The following CREG2 variants were observed in gnomAD, a reference collection of about 807,000 sequenced individuals.
CREG2 encodes the protein cellular repressor of E1A stimulated genes 2, also known as protein CREG2.
CREG2 carries 24 observed loss-of-function variants against 26.2 expected under a neutral mutation model. The ratio of observed to expected loss-of-function variants is 0.92; its 90% CI spans 0.66 to 1.29. CREG2 has a LOEUF of 1.29. Ranked by LOEUF, CREG2 falls within the 50% of genes most tolerant of loss-of-function variation. The pLI, the probability that CREG2 is intolerant of heterozygous loss-of-function variation, is 0.00. For missense variants in CREG2, 366 were observed against 398.6 expected (o/e 0.92, Z 0.70); for synonymous variants, 174 against 169.2 (o/e 1.03, Z -0.22).
intron 2 of CREG2, among the ~76,000 whole-genome samples, chr2:101,369,436 G>C (rs1014190604): frequency 6.6e-6 from 1 of 152,192 alleles, no homozygotes; most frequent in Non-Finnish European, 1.5e-5. Context: ...TGCCCAGGAA[G>C]CAGGTGGACT....
intron 1 of CREG2, among the ~76,000 whole-genome samples, chr2:101,384,722 A>G (rs191250969): frequency 6.6e-6 from 1 of 152,318 alleles, no homozygotes; most frequent in South Asian, 2.1e-4. Context: ...TTAGCTTGGC[A>G]TGGTGGCACA....
intron 3 of CREG2, among the ~76,000 whole-genome samples, chr2:101,351,852 C>T (rs1370091003): frequency 6.6e-6 from 1 of 151,990 alleles, no homozygotes; most frequent in African/African-American, 2.4e-5. Context: ...TATTACAAAG[C>T]AAATGCAATA....
chr2:101,361,786 T>C (rs1573305903), intron 2 of CREG2, among the ~76,000 whole-genome samples: 1 of 152,134 alleles, frequency 6.6e-6, no homozygotes, highest in African/African-American at 2.4e-5. Flanking sequence ...GCAACACAAC[T>C]GTGGTTACTG....
intron 2 of CREG2, among the ~76,000 whole-genome samples, chr2:101,356,202 C>T (rs1684456519): frequency 6.6e-6 from 1 of 152,178 alleles, no homozygotes; most frequent in Admixed American, 6.5e-5. Context: ...TTCTTCGCCT[C>T]TCGAAGTCCA....
chr2:101,367,212 A>AG (rs1409437066), intron 2 of CREG2, among the ~76,000 whole-genome samples: 1 of 152,178 alleles, frequency 6.6e-6, no homozygotes, highest in Non-Finnish European at 1.5e-5. Context: ...GCACCAGAAA[A>AG]GGGGGGATGT....
chr2:101,376,269 A>ATTT (rs1345422102), intron 2 of CREG2, among the ~76,000 whole-genome samples: 1 of 115,880 alleles, frequency 8.6e-6, no homozygotes, highest in Non-Finnish European at 1.7e-5. Flanking sequence ...TCCGAATTTA[A>ATTT]TTTTTTTCTT....
chr2:101,379,664 G>A (rs2104484522), intron 2 of CREG2, among the ~76,000 whole-genome samples: 1 of 152,270 alleles, frequency 6.6e-6, no homozygotes, highest in East Asian at 1.9e-4. Context: ...ACTACAACAA[G>A]CTATCAGGTT....
chr2:101,382,796 A>G (rs974055417), intron 2 of CREG2: 5 of 985,340 alleles, frequency 5.1e-6, no homozygotes, highest in Non-Finnish European at 6.0e-6. Context: ...CACTACATTT[A>G]GGTGGAGTGA....
chr2:101,358,054 C>T (rs1364917598), intron 2 of CREG2, among the ~76,000 whole-genome samples: 2 of 151,700 alleles, frequency 1.3e-5, no homozygotes, highest in Admixed American at 6.6e-5. Flanking sequence ...AGTGCAGTGG[C>T]GCGATCTCAG....
chr2:101,360,367 A>C, intron 2 of CREG2, among the ~76,000 whole-genome samples: 1 of 152,204 alleles, frequency 6.6e-6, no homozygotes, highest in African/African-American at 2.4e-5. Flanking sequence ...ATAAATCTCA[A>C]CTGATTGAGA....
At chr2:101,351,706 C>CCTA (rs2104468042) in intron 3 of CREG2, among the ~76,000 whole-genome samples, 1 of 152,234 alleles carries the variant, frequency 6.6e-6, no homozygotes, top group African/African-American at 2.4e-5. Context: ...GATGCATACC[C>CCTA]CTAAACACGC....
intron 2 of CREG2, among the ~76,000 whole-genome samples, chr2:101,374,194 A>G (rs1684753947): frequency 2.0e-5 from 3 of 152,210 alleles, no homozygotes; most frequent in Admixed American, 1.3e-4. Context: ...CTTGGCCAAC[A>G]TGGTGAAACC....
At chr2:101,356,476 A>G (rs1028099145) in intron 2 of CREG2, among the ~76,000 whole-genome samples, 1 of 152,228 alleles carries the variant, frequency 6.6e-6, no homozygotes, top group Non-Finnish European at 1.5e-5. Flanking sequence ...GCTGTACAAC[A>G]TAAGAGTTCA....
intron 2 of CREG2, among the ~76,000 whole-genome samples, chr2:101,373,004 G>A (rs555150311): frequency 1.3e-5 from 2 of 152,270 alleles, no homozygotes; most frequent in East Asian, 3.9e-4. Context: ...TGTTGGTGAG[G>A]ACAAAGGGCA....
In CREG2 at chr2:101,345,833, C is replaced by CT. The variant is rs1684296345; in HGVS notation, c.*5089_*5090insA. 1 of 145,548 alleles carries CT rather than the reference C, an allele frequency of 6.9e-6. No homozygotes were observed. Among genetic ancestry groups the CT allele is most frequent in the Non-Finnish European group, 1.5e-5 (1 of 67,200 alleles). 9.0% of individuals were successfully genotyped at this position (145,548 alleles called of 1,614,324 possible). On this transcript the variant is annotated 3_prime_UTR_variant, in exon 4 of 4. Coordinates refer to ENST00000324768, the MANE Select transcript of CREG2 (RefSeq NM_153836.4). ...ACTTTTTGGAAAAATTGTAGAAATA[C>CT]CTTTTTTTTTTTTTAAGAGACAAAG...
chr2:101,383,444 A>C, intron 2 of CREG2, 89 bp downstream of exon 2: 1 of 1,251,238 alleles, frequency 8.0e-7, no homozygotes. Context: ...AGTTCTGTTA[A>C]AGTCATGTGA....
At position 101,346,685 on chromosome 2, in the gene CREG2, G is replaced by C. The variant is rs1321343641; in HGVS notation, c.*4238C>G. The C allele has an allele frequency of 6.6e-6, 1 of 152,226 alleles. No homozygotes were observed. The highest frequency in any genetic ancestry group is 2.4e-5 in the African/African-American group (1 of 41,468). The allele number at this position is 152,226 out of a possible 1,614,324, so 9.4% of individuals were successfully genotyped here. On this transcript the variant is annotated 3_prime_UTR_variant, in exon 4 of 4. Transcript: ENST00000324768. ...CATTTTATTAGGGACTAATAAGAGA[G>C]AGAGTATAAATGCTTTATTAAGCTA...
intron 1 of CREG2, 61 bp from the exon 2 acceptor site, chr2:101,383,763 C>T: frequency 1.3e-6 from 2 of 1,482,446 alleles, no homozygotes; most frequent in Non-Finnish European, 1.8e-6. Context: ...GATCTGGGAG[C>T]TTAGCTTGTG....
chr2:101,357,437 T>A (rs1684478338), intron 2 of CREG2, among the ~76,000 whole-genome samples: 1 of 152,212 alleles, frequency 6.6e-6, no homozygotes, highest in Admixed American at 6.5e-5. Flanking sequence ...AGAGACTGGC[T>A]TCATGTAAAT....
Sources: gnomAD v4.1 joint callset for allele counts (sites outside exome capture counted in the v4.1 genomes callset) on GRCh38, gnomAD v4.1.1 for gene constraint, MANE v1.5 for transcripts, NCBI Gene and HGNC (gene_info 2026-07-23, HGNC 2026-07-21) for gene names.